Variants in NCOR1 observed in about 807,000 individuals in gnomAD.
NCOR1 encodes the protein protein phosphatase 1, regulatory subunit 109.
NCOR1 carries 63 observed loss-of-function variants against 288.1 expected under a neutral mutation model. That is an observed-to-expected ratio of 0.22 (90% confidence interval 0.18 to 0.27). The LOEUF (loss-of-function observed/expected upper bound fraction) is 0.27. Among genes scored for constraint, NCOR1 ranks in the 10% least tolerant of loss-of-function variants. The pLI, the probability that NCOR1 is intolerant of heterozygous loss-of-function variation, is 1.00. For missense variants in NCOR1, 2,397 were observed against 3,019.2 expected, an observed-to-expected ratio of 0.79 and a Z score of 4.83; for synonymous variants, 1,007 against 1,065.9, an observed-to-expected ratio of 0.94 and a Z score of 1.08.
At chr17:16,107,948 C>T (rs1482687016) in intron 19 of NCOR1, among the ~76,000 whole-genome samples, 1 of 151,714 alleles carries the variant, frequency 6.6e-6, no homozygotes, top group East Asian at 1.9e-4. Flanking sequence ...TCTAATATTA[C>T]TAAACCTGGA....
At chr17:16,097,148 T>C (rs2066777726) in intron 21 of NCOR1, among the ~76,000 whole-genome samples, 1 of 152,172 alleles carries the variant, frequency 6.6e-6, no homozygotes, top group South Asian at 2.1e-4. Context: ...GCAGTAAGAG[T>C]GTCTTTTGTA....
At chr17:16,119,383 C>A in intron 17 of NCOR1, 40 bp downstream of exon 17, 9 of 1,488,298 alleles carry the variant, frequency 6.0e-6, no homozygotes, top group Non-Finnish European at 8.3e-6. Flanking sequence ...CCCTAAAAAA[C>A]AAAACAAAAA....
intron 32 of NCOR1, among the ~76,000 whole-genome samples, chr17:16,066,754 TG>T (rs1054935256): frequency 6.6e-6 from 1 of 152,240 alleles, no homozygotes; most frequent in Non-Finnish European, 1.5e-5. Flanking sequence ...AATAATTTGA[TG>T]GCATTTACAC....
At chr17:16,116,739 C>T (rs886550863) in intron 18 of NCOR1, among the ~76,000 whole-genome samples, 1 of 152,118 alleles carries the variant, frequency 6.6e-6, no homozygotes, top group Non-Finnish European at 1.5e-5. Flanking sequence ...GTTTACTTCC[C>T]ATTACATGAC....
intron 8 of NCOR1, 75 bp from the exon 9 acceptor site, chr17:16,149,592 G>A: frequency 1.7e-6 from 1 of 605,048 alleles, no homozygotes; most frequent in South Asian, 2.6e-5. Context: ...TTTTTCCAGA[G>A]ACACTGGAAA....
chr17:16,184,066 T>C (rs1238319075), intron 3 of NCOR1, among the ~76,000 whole-genome samples: 1 of 152,124 alleles, frequency 6.6e-6, no homozygotes, highest in Non-Finnish European at 1.5e-5. Flanking sequence ...TTACAGCATA[T>C]ACAAAAATCA....
chr17:16,160,947 A>G (rs886315490), intron 5 of NCOR1, among the ~76,000 whole-genome samples: 4 of 152,104 alleles, frequency 2.6e-5, no homozygotes, highest in Non-Finnish European at 5.9e-5. Flanking sequence ...AAAAAATAAT[A>G]ATAAATAGCC....
intron 11 of NCOR1, among the ~76,000 whole-genome samples, 181 bp from the exon 12 acceptor site, chr17:16,139,367 T>C (rs73981466): frequency 0.054 from 8,151 of 152,276 alleles, 273 homozygotes; most frequent in African/African-American, 0.11. Context: ...ATTCACTGTA[T>C]GAATTACAGA....
intron 21 of NCOR1, among the ~76,000 whole-genome samples, chr17:16,094,073 TG>T (rs933996459): frequency 2.6e-5 from 4 of 151,762 alleles, no homozygotes; most frequent in African/African-American, 7.3e-5. Context: ...AATTTTTTTT[TG>T]TTTTTTTTTG....
At chr17:16,050,733 GT>G (rs200523644) in intron 40 of NCOR1, among the ~76,000 whole-genome samples, 9 of 97,816 alleles carry the variant, frequency 9.2e-5, no homozygotes, top group South Asian at 8.0e-4. Flanking sequence ...TCTTAAACAT[GT>G]TTTTTTTATT....
At chr17:16,155,836 G>A (rs1038043567) in intron 6 of NCOR1, among the ~76,000 whole-genome samples, 1 of 152,168 alleles carries the variant, frequency 6.6e-6, no homozygotes, top group African/African-American at 2.4e-5. Flanking sequence ...AAAAGAGGCA[G>A]GGAGGGCCTT....
At chr17:16,036,781 G>T (rs2056469474) in intron 44 of NCOR1, among the ~76,000 whole-genome samples, 1 of 152,182 alleles carries the variant, frequency 6.6e-6, no homozygotes, top group African/African-American at 2.4e-5. Flanking sequence ...AGGGAATGTT[G>T]TGGCTGGTTT....
At chr17:16,077,578 G>T (rs2062743230) in intron 26 of NCOR1, among the ~76,000 whole-genome samples, 1 of 39,352 alleles carries the variant, frequency 2.5e-5, no homozygotes, top group African/African-American at 9.3e-5. Context: ...AGGGGGGAGG[G>T]GAGGGGGAGG....
In NCOR1 at chr17:16,146,394, T is replaced by C; in HGVS notation, c.1064A>G (p.Gln355Arg). ...TACTCACCGCTGAAATCTTTCTTGC[T>C]GTTCTCTTTGTTTTCGAATTTCTGG... is the stretch of plus-strand genomic sequence containing the variant. ...QFPEIRKQRE[Q>R]QERFQRVGQR... Residue 355 changes from glutamine (Q) to arginine (R), a missense_variant, in exon 10 of 46, where the codon CAG becomes CGG. Gln to Arg is a conservative substitution (Grantham distance 43, BLOSUM62 1). This residue lies in a region of NCOR1 where 51 missense variants were observed against 127.6 expected (regional missense o/e 0.40). Coordinates refer to ENST00000268712, the MANE Select transcript of NCOR1 (RefSeq NM_006311.4). The C allele has an allele frequency of 6.2e-7, 1 of 1,607,590 alleles. No homozygotes were observed. The highest frequency in any genetic ancestry group is 8.5e-7 in the Non-Finnish European group (1 of 1,178,234).
At chr17:16,077,078 G>A (rs1008127136) in intron 26 of NCOR1, among the ~76,000 whole-genome samples, 1 of 152,068 alleles carries the variant, frequency 6.6e-6, no homozygotes, top group African/African-American at 2.4e-5. Flanking sequence ...ACTTTATGCA[G>A]GGAAAATTCT....
intron 22 of NCOR1, chr17:16,087,298 C>T: frequency 7.7e-7 from 1 of 1,304,218 alleles, no homozygotes; most frequent in Non-Finnish European, 1.0e-6. Flanking sequence ...GCTTCCTGTT[C>T]TAGAGCACGT....
chr17:16,091,268 C>T (rs1049548342), intron 22 of NCOR1, among the ~76,000 whole-genome samples: 2 of 152,164 alleles, frequency 1.3e-5, no homozygotes, highest in African/African-American at 4.8e-5. Context: ...TAATGCAGAG[C>T]CACCTGTTAT....
At chr17:16,038,917 C>T (rs1184977338) in intron 44 of NCOR1, among the ~76,000 whole-genome samples, 1 of 152,098 alleles carries the variant, frequency 6.6e-6, no homozygotes, top group African/African-American at 2.4e-5. Flanking sequence ...ATTACAGGCA[C>T]ACGCCATCAT....
chr17:16,172,143 A>C, intron 3 of NCOR1, 148 bp from the exon 4 acceptor site: 1 of 575,912 alleles, frequency 1.7e-6, no homozygotes. Context: ...TCCCACCCCC[A>C]AAGAATATAT....
Sources: allele counts gnomAD v4.1 joint callset (sites outside exome capture counted in the v4.1 genomes callset), GRCh38; gene constraint gnomAD v4.1.1; regional missense constraint gnomAD v4.1.1; transcripts MANE v1.5; gene names NCBI Gene and HGNC (gene_info 2026-07-23, HGNC 2026-07-21).